ZIM2: variants seen among roughly 807,000 people sequenced by gnomAD.
ZIM2 encodes zinc finger protein 656.
A neutral mutation model predicts 38.6 loss-of-function variants in ZIM2; 14 were observed. That is an observed-to-expected ratio of 0.36 (90% CI 0.24 to 0.57). The LOEUF is 0.57. Among genes scored for constraint, ZIM2 ranks in the 20% least tolerant of loss-of-function variants. The probability of loss-of-function intolerance (pLI) is 0.81; values close to 1 mark genes in which losing one functional copy is unlikely to be tolerated. For missense variants in ZIM2, 680 were observed against 695.1 expected (o/e 0.98, Z 0.24); for synonymous variants, 247 against 245.8 (o/e 1.00, Z -0.04).
At chr19:56,831,356 G>A (rs1452417612) in intron 2 of ZIM2, among the ~76,000 whole-genome samples, 1 of 152,162 alleles carries the variant, frequency 6.6e-6, no homozygotes, top group African/African-American at 2.4e-5. Context: ...CTTTCTTACA[G>A]CTAAATGGCA....
At chr19:56,789,155 A>C (rs2046792210) in intron 10 of ZIM2, among the ~76,000 whole-genome samples, 1 of 152,126 alleles carries the variant, frequency 6.6e-6, no homozygotes, top group Admixed American at 6.5e-5. Flanking sequence ...TATGTCTTAA[A>C]TATGAAACAT....
At chr19:56,777,043 C>T (rs939063211) in intron 12 of ZIM2, among the ~76,000 whole-genome samples, 6 of 152,062 alleles carry the variant, frequency 3.9e-5, no homozygotes, top group Non-Finnish European at 7.3e-5. Context: ...AAAGTCTGTG[C>T]TTTATAAAGG....
At chr19:56,816,726 G>A (rs1274541478) in intron 9 of ZIM2, 2 of 1,613,994 alleles carry the variant, frequency 1.2e-6, no homozygotes, top group African/African-American at 1.3e-5. Flanking sequence ...AACTATGAAG[G>A]AAGGTTTCCT....
intron 2 of ZIM2, among the ~76,000 whole-genome samples, chr19:56,829,281 T>C (rs111720553): frequency 6.7e-6 from 1 of 150,018 alleles, no homozygotes; most frequent in East Asian, 2.0e-4. Flanking sequence ...GAGGCAGAGG[T>C]TGCAGTGAGC....
chr19:56,786,728 G>C (rs2046623759), intron 10 of ZIM2, among the ~76,000 whole-genome samples: 1 of 152,144 alleles, frequency 6.6e-6, no homozygotes, highest in South Asian at 2.1e-4. Context: ...TTAAATCTTT[G>C]ACAATTTCAT....
chr19:56,818,826 G>T, intron 7 of ZIM2, 124 bp from the exon 8 acceptor site: 1 of 1,100,216 alleles, frequency 9.1e-7, no homozygotes, highest in Non-Finnish European at 1.3e-6. Flanking sequence ...CGGTATTGGG[G>T]TTCTGAGTGA....
At position 56,811,848 on chromosome 19, in the gene ZIM2, A is replaced by C. The variant is rs527266492; in HGVS notation, c.490+5898T>G. The C allele has an allele frequency of 3.0e-6, 3 of 985,508 alleles. No homozygotes were observed. The African/African-American group carries it at 5.2e-5, about 17-fold the overall frequency. The allele number at this position is 985,508 out of a possible 1,614,324, so 61.0% of individuals were successfully genotyped here. On this transcript the variant is annotated intron_variant, in intron 9 of 12. Transcript: ENST00000629319. Reference sequence around the variant, plus strand: ...CATTCTCAGAAACCTGGCCTTCTACAGTTCTTGCCTCTGGTGTTTTCTTCT... The same window carrying C: ...CATTCTCAGAAACCTGGCCTTCTACCGTTCTTGCCTCTGGTGTTTTCTTCT...
intron 9 of ZIM2, among the ~76,000 whole-genome samples, chr19:56,795,812 G>C (rs989003486): frequency 1.3e-5 from 2 of 152,112 alleles, no homozygotes; most frequent in East Asian, 3.9e-4. Context: ...CTGCACTCCA[G>C]CCTGGGCGAC....
intron 10 of ZIM2, among the ~76,000 whole-genome samples, chr19:56,789,343 C>T (rs149087697): frequency 2.8e-4 from 42 of 152,260 alleles, no homozygotes; most frequent in African/African-American, 9.4e-4. Context: ...AACTGCACTA[C>T]CTTAGGCAGC....
rs1488281206 is a variant in ZIM2, at chr19:56,774,625, TCA to T, written c.*61_*62del. On this transcript the variant is annotated 3_prime_UTR_variant, in exon 13 of 13. Coordinates refer to ENST00000629319, the MANE Select transcript of ZIM2 (RefSeq NM_001387356.1). ...GGGCTAGTGAAAGGCCTTCTCACAC[TCA>T]CAACACTCTAGGAGGAAGCCAATAA... 4.5e-6 allele frequency: 7 copies of T among 1,553,416 alleles called. No individual in the cohort carries two copies. Among genetic ancestry groups the T allele is most frequent in the Admixed American group, 1.8e-5 (1 of 54,228 alleles).
chr19:56,786,693 C>G (rs1390229650), intron 10 of ZIM2, among the ~76,000 whole-genome samples: 1 of 152,138 alleles, frequency 6.6e-6, no homozygotes, highest in Non-Finnish European at 1.5e-5. Context: ...TTGAATTTCA[C>G]TAAGTTTTAA....
chr19:56,828,260 G>C (rs2061251524), intron 2 of ZIM2, among the ~76,000 whole-genome samples: 1 of 152,100 alleles, frequency 6.6e-6, no homozygotes, highest in African/African-American at 2.4e-5. Flanking sequence ...AGTCAATTTA[G>C]AAAACCCTAA....
chr19:56,832,821 C>T (rs930181918), intron 2 of ZIM2, among the ~76,000 whole-genome samples: 1 of 152,182 alleles, frequency 6.6e-6, no homozygotes, highest in Non-Finnish European at 1.5e-5. Flanking sequence ...TCTCTGTATA[C>T]AGAACAAGCC....
intron 9 of ZIM2, chr19:56,812,022 C>T: frequency 1.0e-6 from 1 of 984,792 alleles, no homozygotes; most frequent in African/African-American, 1.7e-5. Flanking sequence ...CCTAATCCTG[C>T]AGATCCAGAA....
chr19:56,777,018 G>A (rs1046554831), intron 12 of ZIM2, among the ~76,000 whole-genome samples: 19 of 152,198 alleles, frequency 1.2e-4, no homozygotes, highest in African/African-American at 3.9e-4. Context: ...CTTGACGGAG[G>A]TAAGAAGCTG....
intron 1 of ZIM2, among the ~76,000 whole-genome samples, chr19:56,837,189 C>G (rs983979401): frequency 1.3e-5 from 2 of 152,072 alleles, no homozygotes; most frequent in East Asian, 3.9e-4. Flanking sequence ...CTGGGCAGCC[C>G]TCTAGCGGCT....
At chr19:56,790,017 C>T in intron 9 of ZIM2, 66 bp from the exon 10 acceptor site, 3 of 1,330,922 alleles carry the variant, frequency 2.3e-6, no homozygotes, top group African/African-American at 1.4e-5. Context: ...ACACAGTGGC[C>T]AGCCACCCTC....
In ZIM2 at chr19:56,774,838, A is replaced by G. The variant is rs2045920933; in HGVS notation, c.1527T>C (p.Asn509=). The part of the protein sequence containing the change: ...CCDCGRVFSR[N]SYLIQHYRTH... ...TTCTATAATGCTGAATGAGATATGA[A>G]TTCCGACTGAAGACTCTGCCACAGT... Residue 509 remains asparagine, a synonymous_variant, in exon 13 of 13, where the codon AAT becomes AAC. Coordinates refer to ENST00000629319, the MANE Select transcript of ZIM2 (RefSeq NM_001387356.1). 2 of 1,614,090 alleles carry G rather than the reference A, an allele frequency of 1.2e-6. No individual in the cohort carries two copies. The highest frequency in any genetic ancestry group is 1.7e-6 in the Non-Finnish European group (2 of 1,180,010).
At chr19:56,820,776 C>T (rs1423969867) in intron 7 of ZIM2, among the ~76,000 whole-genome samples, 1 of 152,228 alleles carries the variant, frequency 6.6e-6, no homozygotes, top group Non-Finnish European at 1.5e-5. Context: ...ATTTGTGCAA[C>T]TGTCAAAAGC....
Sources: gnomAD v4.1 joint callset for allele counts (sites outside exome capture counted in the v4.1 genomes callset) on GRCh38, gnomAD v4.1.1 for gene constraint, MANE v1.5 for transcripts, NCBI Gene and HGNC (gene_info 2026-07-23, HGNC 2026-07-21) for gene names.